Variants in EPHB1 observed in about 807,000 individuals in gnomAD.
EPHB1 encodes the protein ephrin type-B receptor 1.
A neutral mutation model predicts 94.4 loss-of-function variants in EPHB1; 30 were observed. The observed-to-expected ratio is 0.32, with a 90% CI of 0.24 to 0.43. The LOEUF is 0.43. Ranked by LOEUF, EPHB1 falls within the 20% of genes least tolerant of loss-of-function variation. The pLI is 1.00. For synonymous variants in EPHB1, 522 were observed against 489.1 expected (o/e 1.07, Z -0.89); for missense variants, 1,055 against 1,308.3 (o/e 0.81, Z 2.99).
chr3:135,135,687 T>G (rs1285419856), intron 5 of EPHB1, among the ~76,000 whole-genome samples: 4 of 152,148 alleles, frequency 2.6e-5, no homozygotes, highest in Admixed American at 2.0e-4. Context: ...GTATGACCCC[T>G]CTCTGTGCCT....
intron 1 of EPHB1, among the ~76,000 whole-genome samples, chr3:134,819,393 A>T (rs976771316): frequency 6.6e-6 from 1 of 152,136 alleles, no homozygotes; most frequent in Non-Finnish European, 1.5e-5. Flanking sequence ...AAGGGTGCCC[A>T]TGTGGTGATC....
chr3:134,859,145 C>T (rs535689589), intron 1 of EPHB1, among the ~76,000 whole-genome samples: 1 of 152,296 alleles, frequency 6.6e-6, no homozygotes, highest in South Asian at 2.1e-4. Context: ...TTTCTTGAGT[C>T]CTTCTTATCA....
chr3:134,831,049 T>C (rs2036573274), intron 1 of EPHB1, among the ~76,000 whole-genome samples: 1 of 152,222 alleles, frequency 6.6e-6, no homozygotes. Context: ...ATGTAGCTTC[T>C]AGCATCTTCC....
At chr3:135,142,975 G>T (rs1525016) in intron 5 of EPHB1, among the ~76,000 whole-genome samples, 1,712 of 152,242 alleles carry the variant, frequency 0.011, 29 homozygotes, top group African/African-American at 0.039. Context: ...GGGGAGCAAG[G>T]ATGACACACC....
intron 12 of EPHB1, among the ~76,000 whole-genome samples, chr3:135,206,362 T>G (rs1316621203): frequency 6.6e-6 from 1 of 152,242 alleles, no homozygotes; most frequent in East Asian, 1.9e-4. Context: ...CACTACTTAT[T>G]AAATATATTA....
At chr3:134,997,101 G>C (rs757848778) in intron 3 of EPHB1, among the ~76,000 whole-genome samples, 21 of 152,226 alleles carry the variant, frequency 1.4e-4, no homozygotes, top group Non-Finnish European at 2.4e-4. Context: ...ATTCATTTAG[G>C]GATTGGATAT....
chr3:134,807,978 T>G (rs1243807127), intron 1 of EPHB1, among the ~76,000 whole-genome samples: 3 of 152,134 alleles, frequency 2.0e-5, no homozygotes, highest in African/African-American at 4.8e-5. Flanking sequence ...TTAAACATCA[T>G]CTGCCAGCAC....
intron 13 of EPHB1, among the ~76,000 whole-genome samples, chr3:135,245,647 A>G (rs1304840700): frequency 6.6e-6 from 1 of 151,902 alleles, no homozygotes; most frequent in East Asian, 1.9e-4. Flanking sequence ...CTCTACTAAA[A>G]ATACAAAAGT....
intron 3 of EPHB1, among the ~76,000 whole-genome samples, chr3:135,082,975 G>T (rs1938215176): frequency 1.3e-5 from 2 of 152,152 alleles, no homozygotes; most frequent in African/African-American, 4.8e-5. Context: ...AGCAGGAAGT[G>T]CTTCCGTGCG....
chr3:134,991,153 G>A (rs1469529837), intron 3 of EPHB1, among the ~76,000 whole-genome samples: 1 of 152,192 alleles, frequency 6.6e-6, no homozygotes, highest in Non-Finnish European at 1.5e-5. Flanking sequence ...GCTCTGTACA[G>A]ACCTCTTGTT....
At chr3:135,012,820 C>T (rs1359395029) in intron 3 of EPHB1, among the ~76,000 whole-genome samples, 1 of 152,198 alleles carries the variant, frequency 6.6e-6, no homozygotes, top group East Asian at 1.9e-4. Context: ...TTATTCTCTG[C>T]AAAGGCTATT....
chr3:135,132,277 T>C (rs1042428890), intron 4 of EPHB1, among the ~76,000 whole-genome samples: 3 of 152,172 alleles, frequency 2.0e-5, no homozygotes, highest in Non-Finnish European at 4.4e-5. Flanking sequence ...AATTTCAGAA[T>C]ATGTTAGGGT....
At chr3:134,970,119 C>A (rs1933909558) in intron 3 of EPHB1, among the ~76,000 whole-genome samples, 2 of 152,136 alleles carry the variant, frequency 1.3e-5, no homozygotes, top group Admixed American at 1.3e-4. Flanking sequence ...TTGATGAAGT[C>A]CAGTTAATCC....
At chr3:135,009,564 G>A (rs1034137985) in intron 3 of EPHB1, among the ~76,000 whole-genome samples, 1 of 152,250 alleles carries the variant, frequency 6.6e-6, no homozygotes, top group Non-Finnish European at 1.5e-5. Flanking sequence ...TGCCAAAGCT[G>A]CAGGCACTGA....
intron 1 of EPHB1, among the ~76,000 whole-genome samples, chr3:134,877,364 G>A (rs146141393): frequency 6.0e-4 from 91 of 152,310 alleles, no homozygotes; most frequent in Non-Finnish European, 8.2e-4. Flanking sequence ...TGGGAAGGAA[G>A]ACAGTCAACC....
intron 3 of EPHB1, among the ~76,000 whole-genome samples, chr3:134,956,934 C>G (rs1304200939): frequency 6.6e-6 from 1 of 152,236 alleles, no homozygotes; most frequent in South Asian, 2.1e-4. Flanking sequence ...CCATGACCAC[C>G]AAGCAGTGAC....
chr3:134,941,227 G>A (rs1395541961), intron 2 of EPHB1, among the ~76,000 whole-genome samples: 2 of 151,960 alleles, frequency 1.3e-5, no homozygotes, highest in African/African-American at 2.4e-5. Context: ...TGTCTTCAGA[G>A]GCACAGAGTG....
chr3:135,196,532 T>G (rs1942622312), intron 11 of EPHB1, among the ~76,000 whole-genome samples: 1 of 152,138 alleles, frequency 6.6e-6, no homozygotes, highest in African/African-American at 2.4e-5. Context: ...AAATCTAATT[T>G]CAGCCTTACT....
chr3:135,135,074 T>C (rs1000660648), intron 5 of EPHB1, among the ~76,000 whole-genome samples: 3 of 152,164 alleles, frequency 2.0e-5, no homozygotes, highest in Non-Finnish European at 2.9e-5. Context: ...ACACTTCTCA[T>C]GTGCTTTGTT....
Sources: gnomAD v4.1 joint callset for allele counts (sites outside exome capture counted in the v4.1 genomes callset) on GRCh38, gnomAD v4.1.1 for gene constraint, MANE v1.5 for transcripts, NCBI Gene and HGNC (gene_info 2026-07-23, HGNC 2026-07-21) for gene names.